Variants in MAPK10 observed in about 807,000 individuals in gnomAD.
MAPK10 encodes the protein mitogen-activated protein kinase 10.
In MAPK10, 25 loss-of-function variants were observed where a neutral mutation model predicts 59.3. The ratio of observed to expected loss-of-function variants is 0.42; its 90% CI spans 0.31 to 0.59. MAPK10 has a LOEUF of 0.59. Among genes scored for constraint, MAPK10 ranks in the 20% least tolerant of loss-of-function variants. The pLI is 0.15. For missense variants in MAPK10, 351 were observed against 568.9 expected, an observed-to-expected ratio of 0.62 and a Z score of 3.90; for synonymous variants, 190 against 200.5, an observed-to-expected ratio of 0.95 and a Z score of 0.44.
chr4:86,103,177 G>T lies in MAPK10; in HGVS notation c.425+9C>A, dbSNP rs758849757. On this transcript the variant is annotated intron_variant, in intron 6 of 13. Transcript: ENST00000641462. Reference sequence around the variant, plus strand: ...TGCTCTCCCTTCCTTCATGAGTTTTGTTACTTACACATCTTGGAACTCCTC... The same window carrying T: ...TGCTCTCCCTTCCTTCATGAGTTTTTTTACTTACACATCTTGGAACTCCTC... 2 of 1,592,834 alleles carry T rather than the reference G, an allele frequency of 1.3e-6. No homozygotes were observed. The highest frequency in any genetic ancestry group is 1.7e-6 in the Non-Finnish European group (2 of 1,166,160).
intron 2 of MAPK10, among the ~76,000 whole-genome samples, chr4:86,340,166 CACCTTATGGG>C (rs1564532200): frequency 6.6e-6 from 1 of 152,212 alleles, no homozygotes; most frequent in African/African-American, 2.4e-5. Context: ...TTATCACAGC[CACCTTATGGG>C]ATGGATGCTT....
At chr4:86,313,814 C>G (rs2095718376) in intron 2 of MAPK10, among the ~76,000 whole-genome samples, 1 of 152,040 alleles carries the variant, frequency 6.6e-6, no homozygotes. Context: ...TCTTCCAAAC[C>G]TAAACATACA....
At chr4:86,036,742 G>A (rs892172462) in intron 11 of MAPK10, among the ~76,000 whole-genome samples, 5 of 152,192 alleles carry the variant, frequency 3.3e-5, no homozygotes, top group Non-Finnish European at 4.4e-5. Context: ...CCAATAGGGT[G>A]ACCATATTTC....
At position 86,156,619 on chromosome 4, in the gene MAPK10, A is replaced by G. The variant is rs145567208; in HGVS notation, c.236+2679T>C. Among the ~76,000 whole-genome samples, 5 of 152,170 alleles carry G rather than the reference A, an allele frequency of 3.3e-5. No homozygotes were observed. The East Asian group carries it at 7.7e-4, about 23-fold the overall frequency. ...TGCCACCACTTTGGCTGTCCATTTG[A>G]ATCATCTTTAGAGAGAGAAATGAGA... On this transcript the variant is annotated intron_variant, in intron 4 of 13. Transcript: ENST00000641462.
intron 2 of MAPK10, chr4:86,326,626 G>A (rs2096028816): frequency 6.6e-6 from 1 of 152,140 alleles, no homozygotes; most frequent in African/African-American, 2.4e-5. Context: ...TCTGTAGTCA[G>A]GTTACACTAG....
intron 2 of MAPK10, among the ~76,000 whole-genome samples, chr4:86,246,587 C>G (rs544863559): frequency 2.6e-4 from 40 of 152,330 alleles, no homozygotes; most frequent in African/African-American, 9.4e-4. Flanking sequence ...GGAAAACTAA[C>G]AAACACTTCC....
intron 1 of MAPK10, among the ~76,000 whole-genome samples, chr4:86,435,019 A>C (rs1349376942): frequency 1.3e-5 from 2 of 152,224 alleles, no homozygotes; most frequent in Non-Finnish European, 2.9e-5. Context: ...AGGTCATTAC[A>C]TTAAGTGAAA....
At chr4:86,572,992 C>T (rs1467334105) in intron 1 of MAPK10, among the ~76,000 whole-genome samples, 1 of 151,952 alleles carries the variant, frequency 6.6e-6, no homozygotes, top group Admixed American at 6.6e-5. Context: ...GAATTGTTTT[C>T]TTTAGTTTTG....
chr4:86,109,677 A>G (rs2057140330), intron 4 of MAPK10, among the ~76,000 whole-genome samples: 1 of 152,224 alleles, frequency 6.6e-6, no homozygotes, highest in Non-Finnish European at 1.5e-5. Context: ...GCTATCGTGC[A>G]TAGCGCTGCA....
At chr4:86,234,568 C>T (rs2092007802) in intron 2 of MAPK10, among the ~76,000 whole-genome samples, 1 of 151,966 alleles carries the variant, frequency 6.6e-6, no homozygotes, top group Admixed American at 6.6e-5. Flanking sequence ...AAATAAATGT[C>T]TTATCTTCTG....
At chr4:86,137,538 T>C (rs2062522483) in intron 4 of MAPK10, among the ~76,000 whole-genome samples, 1 of 130,134 alleles carries the variant, frequency 7.7e-6, no homozygotes, top group Non-Finnish European at 1.6e-5. Flanking sequence ...CAAAGCAGTG[T>C]GTAGAGGGAA....
chr4:86,279,509 T>G (rs1400229472), intron 2 of MAPK10, among the ~76,000 whole-genome samples: 1 of 152,098 alleles, frequency 6.6e-6, no homozygotes, highest in Non-Finnish European at 1.5e-5. Flanking sequence ...GTTGTAAAAA[T>G]AAATGAGTTA....
At chr4:86,477,038 A>G (rs1305597707) in intron 1 of MAPK10, among the ~76,000 whole-genome samples, 1 of 152,120 alleles carries the variant, frequency 6.6e-6, no homozygotes, top group Non-Finnish European at 1.5e-5. Flanking sequence ...TCCTTCCCAG[A>G]TCCTCTCGGC....
At chr4:86,588,529 C>G (rs969494380) in intron 1 of MAPK10, among the ~76,000 whole-genome samples, 3 of 151,872 alleles carry the variant, frequency 2.0e-5, no homozygotes, top group African/African-American at 7.3e-5. Flanking sequence ...ATTGGTTTAC[C>G]AGAGTTTAAT....
At chr4:86,165,264 T>C (rs2071237345) in intron 3 of MAPK10, among the ~76,000 whole-genome samples, 1 of 152,188 alleles carries the variant, frequency 6.6e-6, no homozygotes, top group African/African-American at 2.4e-5. Context: ...ATGATACCAC[T>C]CCAACATTGT....
At chr4:86,265,208 C>A (rs2094182132) in intron 2 of MAPK10, among the ~76,000 whole-genome samples, 1 of 151,988 alleles carries the variant, frequency 6.6e-6, no homozygotes, top group African/African-American at 2.4e-5. Context: ...CTTTGCCCAA[C>A]AGCCTTAAAA....
At chr4:86,367,251 G>A (rs1157321410) in intron 1 of MAPK10, among the ~76,000 whole-genome samples, 1 of 152,124 alleles carries the variant, frequency 6.6e-6, no homozygotes, top group East Asian at 1.9e-4. Context: ...CATGCTGACT[G>A]ATACAATATG....
At chr4:86,194,857 T>A (rs1487746520) in intron 2 of MAPK10, among the ~76,000 whole-genome samples, 1 of 151,930 alleles carries the variant, frequency 6.6e-6, no homozygotes, top group Non-Finnish European at 1.5e-5. Context: ...GAGCTTACTG[T>A]ATCAGTAATA....
intron 1 of MAPK10, among the ~76,000 whole-genome samples, chr4:86,418,778 C>T (rs927886735): frequency 3.3e-5 from 5 of 152,150 alleles, no homozygotes; most frequent in African/African-American, 1.2e-4. Context: ...CCTAAATGCC[C>T]ATCAGCCAAC....
Sources: allele counts gnomAD v4.1 joint callset (sites outside exome capture counted in the v4.1 genomes callset), GRCh38; gene constraint gnomAD v4.1.1; transcripts MANE v1.5; gene names NCBI Gene and HGNC (gene_info 2026-07-23, HGNC 2026-07-21).